The following KDSR variants were observed in gnomAD, a reference collection of about 807,000 sequenced individuals.
KDSR encodes 3-ketodihydrosphingosine reductase, also known as 3-dehydrosphinganine reductase.
Under a neutral mutation model 41.3 loss-of-function variants are expected in KDSR, and 23 were observed. The observed-to-expected ratio is 0.56, with a 90% CI of 0.40 to 0.79. KDSR has a LOEUF of 0.79. Ranked by LOEUF, KDSR falls within the 30% of genes least tolerant of loss-of-function variation. KDSR has a pLI of 0.00. For missense variants in KDSR, 351 were observed against 416.8 expected (o/e 0.84, Z 1.37); for synonymous variants, 138 against 151.7 (o/e 0.91, Z 0.66).
At chr18:63,349,783 C>T (rs1306056293) in intron 6 of KDSR, among the ~76,000 whole-genome samples, 1 of 152,240 alleles carries the variant, frequency 6.6e-6, no homozygotes, top group Non-Finnish European at 1.5e-5. Context: ...TGGCCCTCTG[C>T]CTGTTTTTTA....
intron 8 of KDSR, among the ~76,000 whole-genome samples, chr18:63,337,086 A>ATATG (rs1459810778): frequency 6.3e-4 from 25 of 39,778 alleles, no homozygotes; most frequent in Non-Finnish European, 1.7e-3. Context: ...ATATATATAT[A>ATATG]TGTGACTTTA....
chr18:63,362,911 C>T, intron 1 of KDSR, 43 bp from the exon 2 acceptor site: 2 of 1,347,930 alleles, frequency 1.5e-6, no homozygotes, highest in Non-Finnish European at 2.1e-6. Flanking sequence ...TGAAATCTCC[C>T]CTCTGTAGGA....
rs1286202089 is a variant in KDSR at position 63,329,190 on chromosome 18, A to G, written c.*2592T>C. On this transcript the variant is annotated 3_prime_UTR_variant, in exon 10 of 10. Coordinates refer to ENST00000645214, the MANE Select transcript of KDSR (RefSeq NM_002035.4). ...GTCAGCCCATTATGTGAGGCTGCTT[A>G]AATGCCTACAACCCCTTATCCAAAA... The G allele has an allele frequency of 4.8e-6, 1 of 206,550 alleles. No individual in the cohort carries two copies. Among genetic ancestry groups the G allele is most frequent in the African/African-American group, 2.3e-5 (1 of 43,874 alleles). The allele number at this position is 206,550 out of a possible 1,614,324, so 12.8% of individuals were successfully genotyped here. A position where few individuals can be genotyped will look rare whatever the true frequency, so the allele number is the denominator to read the frequency against.
Position 63,341,283 on chromosome 18 carries a change from T to C in KDSR, c.694-2400A>G, listed in dbSNP as rs112348940. Among the ~76,000 whole-genome samples, 725 of 152,214 alleles carry C rather than the reference T, an allele frequency of 4.8e-3. 7 individuals carry two copies. The highest frequency in any genetic ancestry group is 0.015 in the African/African-American group (631 of 41,532). ...GCTAAACATCCAGAGTGAATATCCT[T>C]AGACATAAGAGAAAATATGAAATCC... On this transcript the variant is annotated intron_variant, in intron 7 of 9. Coordinates refer to ENST00000645214, the MANE Select transcript of KDSR (RefSeq NM_002035.4).
chr18:63,356,785 G>A (rs1226940009), intron 3 of KDSR, among the ~76,000 whole-genome samples: 5 of 152,156 alleles, frequency 3.3e-5, no homozygotes, highest in Non-Finnish European at 4.4e-5. Flanking sequence ...ATACTCCTTC[G>A]TCTATCAGAT....
Position 63,350,872 on chromosome 18 carries a change from T to C in KDSR, c.609+16A>G. ...GAGCGGAGAGGAATAAATACAAAAA[T>C]GAATACAACTTTTACCTCCATCTGC... is the stretch of plus-strand genomic sequence containing the variant. On this transcript the variant is annotated intron_variant, in intron 6 of 9. Coordinates refer to ENST00000645214, the MANE Select transcript of KDSR (RefSeq NM_002035.4). The C allele has an allele frequency of 6.3e-7, 1 of 1,583,968 alleles. No homozygotes were observed. The highest frequency in any genetic ancestry group is 8.6e-7 in the Non-Finnish European group (1 of 1,157,154).
chr18:63,328,355 CT>C lies in KDSR; in HGVS notation c.*3426del, dbSNP rs11349419. The C allele has an allele frequency of 0.54, 74,901 of 138,412 alleles. 20,399 individuals carry two copies. Among genetic ancestry groups the C allele is most frequent in the Non-Finnish European group, 0.66 (41,529 of 63,038 alleles). 8.6% of individuals were successfully genotyped at this position (138,412 alleles called of 1,614,324 possible). A position where few individuals can be genotyped will look rare whatever the true frequency, so the allele number is the denominator to read the frequency against. On this transcript the variant is annotated 3_prime_UTR_variant, in exon 10 of 10. Coordinates refer to ENST00000645214, the MANE Select transcript of KDSR (RefSeq NM_002035.4). ...ACAGATCCAGATAAAGATTTTTTTT[CT>C]TTTTTTTTTTTTTTGAGACAGAGTC...
rs891848238 is a variant in KDSR at position 63,335,509 on chromosome 18, C to G, written c.778-151G>C. The stretch of plus-strand genomic sequence containing the variant: ...TGATCAGCACTCAGAAATGGACGCA[C>G]GGCCTTGGCAGATGGCAGTTCTCAA... On this transcript the variant is annotated intron_variant, in intron 8 of 9. Coordinates refer to ENST00000645214, the MANE Select transcript of KDSR (RefSeq NM_002035.4). 7 of 603,212 alleles carry G rather than the reference C, an allele frequency of 1.2e-5. No homozygotes were observed. In the Admixed American group the frequency reaches 2.0e-4, roughly 17 times the overall value. 37.4% of individuals were successfully genotyped at this position (603,212 alleles called of 1,614,324 possible).
intron 3 of KDSR, among the ~76,000 whole-genome samples, chr18:63,359,010 C>T (rs1914884730): frequency 6.7e-6 from 1 of 150,332 alleles, no homozygotes; most frequent in Admixed American, 6.6e-5. Flanking sequence ...GAAACCCCAT[C>T]TCTACCAAAA....
chr18:63,335,390 A>T (rs766039383), intron 8 of KDSR, 32 bp from the exon 9 acceptor site: 5 of 1,440,486 alleles, frequency 3.5e-6, no homozygotes, highest in Non-Finnish European at 4.9e-6. Flanking sequence ...AGAAAGAGGG[A>T]ATCCTAGTAA....
intron 3 of KDSR, among the ~76,000 whole-genome samples, chr18:63,357,555 C>T (rs1266274150): frequency 4.5e-5 from 5 of 110,738 alleles, no homozygotes; most frequent in Admixed American, 1.1e-4. Context: ...CATATATATA[C>T]ATACATACAT....
At position 63,327,796 on chromosome 18, in the gene KDSR, T is replaced by C. The variant is rs1490632746; in HGVS notation, c.*3986A>G. 1.1e-5 allele frequency: 2 copies of C among 189,178 alleles called. No homozygotes were observed. Among genetic ancestry groups the C allele is most frequent in the East Asian group, 1.7e-4 (2 of 11,856 alleles). 11.7% of individuals were successfully genotyped at this position (189,178 alleles called of 1,614,324 possible). ...ATTCAGAAATACAAGGTATGAAAAT[T>C]AGATTACAATTCTGCCACAAAAGCT... On this transcript the variant is annotated 3_prime_UTR_variant, in exon 10 of 10. Coordinates refer to ENST00000645214, the MANE Select transcript of KDSR (RefSeq NM_002035.4).
intron 9 of KDSR, among the ~76,000 whole-genome samples, 178 bp from the exon 10 acceptor site, chr18:63,332,079 G>T (rs757393104): frequency 6.6e-6 from 1 of 152,178 alleles, no homozygotes; most frequent in East Asian, 1.9e-4. Flanking sequence ...GCTCTGCACC[G>T]CTGGACAGCC....
chr18:63,350,262 C>T (rs1473422917), intron 6 of KDSR, among the ~76,000 whole-genome samples: 4 of 152,186 alleles, frequency 2.6e-5, no homozygotes, highest in African/African-American at 4.8e-5. Context: ...TCATGACAGA[C>T]GCTATTTTGA....
intron 1 of KDSR, among the ~76,000 whole-genome samples, chr18:63,364,276 T>A (rs1201693863): frequency 6.6e-6 from 1 of 152,092 alleles, no homozygotes; most frequent in Non-Finnish European, 1.5e-5. Flanking sequence ...AGCTCTAGAT[T>A]TATTTGTGTG....
intron 3 of KDSR, among the ~76,000 whole-genome samples, chr18:63,358,967 C>T (rs1914882746): frequency 6.6e-6 from 1 of 150,664 alleles, no homozygotes; most frequent in African/African-American, 2.4e-5. Flanking sequence ...CTGCTTGAGC[C>T]CAGGAGTTGA....
rs537299823 is a variant in KDSR, at chr18:63,337,947, A to AAAC, written c.777+850_777+852dup. Among the ~76,000 whole-genome samples, 47 of 152,256 alleles carry AAAC rather than the reference A, an allele frequency of 3.1e-4. No individual in the cohort carries two copies. The South Asian group carries it at 6.8e-3, about 22-fold the overall frequency. On this transcript the variant is annotated intron_variant, in intron 8 of 9. Transcript: ENST00000645214. The stretch of plus-strand genomic sequence containing the variant: ...CCGTCTCAAAACAAACAAACAAACA[A>AAAC]AACAACAACAACAACAAAAAACACC...
intron 8 of KDSR, among the ~76,000 whole-genome samples, chr18:63,337,825 G>A (rs192098558): frequency 3.5e-4 from 54 of 152,300 alleles, no homozygotes; most frequent in Middle Eastern, 6.8e-3. Flanking sequence ...CTACTCAGAA[G>A]GCCGAGGCAG....
intron 3 of KDSR, 60 bp from the exon 4 acceptor site, chr18:63,355,623 T>C (rs1242895260): frequency 6.8e-7 from 1 of 1,479,798 alleles, no homozygotes; most frequent in African/African-American, 1.4e-5. Flanking sequence ...TTCTTAAAGA[T>C]ATTTTTTAAA....
Sources: allele counts gnomAD v4.1 joint callset (sites outside exome capture counted in the v4.1 genomes callset), GRCh38; gene constraint gnomAD v4.1.1; transcripts MANE v1.5; gene names NCBI Gene and HGNC (gene_info 2026-07-23, HGNC 2026-07-21).